RFXAP: variants seen among roughly 807,000 people sequenced by gnomAD.
RFXAP encodes regulatory factor X associated protein.
RFXAP carries 21 observed loss-of-function variants against 25.7 expected under a neutral mutation model. The observed-to-expected ratio is 0.82, with a 90% confidence interval of 0.58 to 1.18. RFXAP has a LOEUF of 1.18. Among genes scored for constraint, RFXAP ranks in the 50% most tolerant of loss-of-function variants. The pLI, the probability that RFXAP is intolerant of heterozygous loss-of-function variation, is 0.00. For synonymous variants in RFXAP, 161 were observed against 152.2 expected (o/e 1.06, Z -0.43); for missense variants, 333 against 363.0 (o/e 0.92, Z 0.67).
rs554713184 is a variant in RFXAP, at chr13:36,822,124, T to C, written c.600+2167T>C. Among the ~76,000 whole-genome samples, 19 of 151,888 alleles carry C rather than the reference T, an allele frequency of 1.3e-4. No individual in the cohort carries two copies. The South Asian group carries it at 3.7e-3, about 30-fold the overall frequency. ...TTTTTTTTGAGACAGAGTCTTACTC[T>C]GTGTCGCTCAGGCTGGAGTGCAGTG... On this transcript the variant is annotated intron_variant, in intron 1 of 2. Transcript: ENST00000255476.
In RFXAP at chr13:36,825,555, T is replaced by A. The variant is rs1363776215; in HGVS notation, c.708+20T>A. On this transcript the variant is annotated intron_variant, in intron 2 of 2. Transcript: ENST00000255476. ...AGACTGGTAAATATCTGTTTGTAAA[T>A]CAGTTATAAATGTGTTAACAAACGT... The A allele has an allele frequency of 1.3e-6, 2 of 1,542,210 alleles. No individual in the cohort carries two copies. The highest frequency in any genetic ancestry group is 1.8e-6 in the Non-Finnish European group (2 of 1,118,732).
At chr13:36,824,995 A>G (rs1254803063) in intron 1 of RFXAP, among the ~76,000 whole-genome samples, 2 of 152,150 alleles carry the variant, frequency 1.3e-5, no homozygotes, top group Non-Finnish European at 2.9e-5. Flanking sequence ...GAGTTCATAT[A>G]TTTCATCCAA....
In RFXAP at chr13:36,828,425, C is replaced by T. The variant is rs2057985329; in HGVS notation, c.*672C>T. On this transcript the variant is annotated 3_prime_UTR_variant, in exon 3 of 3. Transcript: ENST00000255476. ...TTAATATCTGTGAATTTAGGATGTGCATCTCTTTTCAGAGGTGTGTTAGTA... is the reference window on the plus strand; with the variant it reads ...TTAATATCTGTGAATTTAGGATGTGTATCTCTTTTCAGAGGTGTGTTAGTA... 6.6e-6 allele frequency: 1 copy of T among 152,230 alleles called. No homozygotes were observed. The highest frequency in any genetic ancestry group is 6.5e-5 in the Admixed American group (1 of 15,278). The allele number at this position is 152,230 out of a possible 1,614,324, so 9.4% of individuals were successfully genotyped here.
At chr13:36,823,814 C>T (rs1056183458) in intron 1 of RFXAP, among the ~76,000 whole-genome samples, 1 of 151,998 alleles carries the variant, frequency 6.6e-6, no homozygotes, top group African/African-American at 2.4e-5. Context: ...ATGAATTGAC[C>T]TCTGCTGGTG....
rs1472778312 is a variant in RFXAP at position 36,819,558 on chromosome 13, G to A, written c.201G>A (p.Ala67=). Residue 67 remains alanine, a synonymous_variant, in exon 1 of 3, where the codon GCG becomes GCA. Coordinates refer to ENST00000255476, the MANE Select transcript of RFXAP (RefSeq NM_000538.4). ...CGGCCCCCGGGGGCAGCGTTGGGGC[G>A]GGCAAGCCCGTTAGGTACCTGTGCG... The part of the protein sequence containing the change: ...EAAAPGGSVG[A]GKPVRYLCEG... 6.6e-7 allele frequency: 1 copy of A among 1,523,610 alleles called. No homozygotes were observed. Among genetic ancestry groups the A allele is most frequent in the Non-Finnish European group, 8.8e-7 (1 of 1,133,132 alleles). 94.4% of individuals were successfully genotyped at this position (1,523,610 alleles called of 1,614,324 possible).
At chr13:36,823,431 G>C (rs938605209) in intron 1 of RFXAP, among the ~76,000 whole-genome samples, 4 of 152,204 alleles carry the variant, frequency 2.6e-5, no homozygotes, top group African/African-American at 9.6e-5. Context: ...AGTATTGAAT[G>C]CCAGGCTATG....
At chr13:36,823,088 T>C (rs1429475848) in intron 1 of RFXAP, among the ~76,000 whole-genome samples, 6 of 152,172 alleles carry the variant, frequency 3.9e-5, no homozygotes, top group Non-Finnish European at 8.8e-5. Flanking sequence ...CTCACAACCC[T>C]TCAGCAATGG....
At position 36,828,115 on chromosome 13, in the gene RFXAP, G is replaced by A. The variant is rs1224723563; in HGVS notation, c.*362G>A. ...CATCTAGCTCAGTGGTTCTCATCAA[G>A]GGTCAATTTGATTGTCATAGTGACC... On this transcript the variant is annotated 3_prime_UTR_variant, in exon 3 of 3. Transcript: ENST00000255476. The A allele has an allele frequency of 2.6e-5, 6 of 227,824 alleles. No individual in the cohort carries two copies. The highest frequency in any genetic ancestry group is 4.3e-5 in the Non-Finnish European group (5 of 115,644). 14.1% of individuals were successfully genotyped at this position (227,824 alleles called of 1,614,324 possible).
intron 1 of RFXAP, among the ~76,000 whole-genome samples, chr13:36,823,783 A>G (rs1176165859): frequency 6.6e-6 from 1 of 152,204 alleles, no homozygotes; most frequent in African/African-American, 2.4e-5. Context: ...TATGAGAGAC[A>G]CATAAAGGGA....
In RFXAP at chr13:36,824,188, G is replaced by A. The variant is rs536574875; in HGVS notation, c.601-1240G>A. On this transcript the variant is annotated intron_variant, in intron 1 of 2. Coordinates refer to ENST00000255476, the MANE Select transcript of RFXAP (RefSeq NM_000538.4). ...CCTTTTGAATTTCCATAGTGGGGTT[G>A]TGAGGGCAGAGGGTACTGTACCATC... 2.6e-5 allele frequency among the ~76,000 whole-genome samples: 4 copies of A among 152,268 alleles called. No individual in the cohort carries two copies. In the South Asian group the frequency reaches 8.3e-4, roughly 32 times the overall value.
intron 1 of RFXAP, among the ~76,000 whole-genome samples, chr13:36,823,533 A>G (rs1443078007): frequency 6.6e-6 from 1 of 152,172 alleles, no homozygotes; most frequent in Non-Finnish European, 1.5e-5. Context: ...TTGAGAGCCT[A>G]TAGATTTTGA....
At chr13:36,825,753 T>G (rs941799703) in intron 2 of RFXAP, among the ~76,000 whole-genome samples, 1 of 152,128 alleles carries the variant, frequency 6.6e-6, no homozygotes, top group African/African-American at 2.4e-5. Context: ...GAGAAAAGAT[T>G]ATAAACTTGA....
In RFXAP at chr13:36,826,368, A is replaced by G. The variant is rs142058852; in HGVS notation, c.708+833A>G. On this transcript the variant is annotated intron_variant, in intron 2 of 2. Transcript: ENST00000255476. ...ATTAAATGATATGGAAAGGTATTCA[A>G]TATCAGTAAAAATAAACAAAAAGTG... is the stretch of plus-strand genomic sequence containing the variant. Among the ~76,000 whole-genome samples, 17 of 152,370 alleles carry G rather than the reference A, an allele frequency of 1.1e-4. No individual in the cohort carries two copies. In the East Asian group the frequency reaches 2.9e-3, roughly 26 times the overall value.
rs1304451438 is a variant in RFXAP at position 36,826,190 on chromosome 13, C to A, written c.708+655C>A. On this transcript the variant is annotated intron_variant, in intron 2 of 2. Coordinates refer to ENST00000255476, the MANE Select transcript of RFXAP (RefSeq NM_000538.4). ...ATAAATCATTAAACATGATCAGTTT[C>A]CTTACATATATATAAAATATGTTTG... Among the ~76,000 whole-genome samples the A allele has an allele frequency of 5.3e-5, 8 of 152,060 alleles. No individual in the cohort carries two copies. In the East Asian group the frequency reaches 1.5e-3, roughly 29 times the overall value.
At chr13:36,823,592 C>T (rs2057969579) in intron 1 of RFXAP, among the ~76,000 whole-genome samples, 1 of 152,148 alleles carries the variant, frequency 6.6e-6, no homozygotes, top group Non-Finnish European at 1.5e-5. Context: ...ATGATGGTGT[C>T]TTCTGCTATG....
chr13:36,827,411 A>C (rs547876492), intron 2 of RFXAP, among the ~76,000 whole-genome samples: 1 of 152,340 alleles, frequency 6.6e-6, no homozygotes, highest in South Asian at 2.1e-4. Context: ...CAAAGTCACC[A>C]ATAACAGACT....
At chr13:36,823,313 A>G (rs1214807115) in intron 1 of RFXAP, among the ~76,000 whole-genome samples, 4 of 152,266 alleles carry the variant, frequency 2.6e-5, no homozygotes, top group African/African-American at 9.6e-5. Flanking sequence ...GTAGGAATAC[A>G]GAAAACACTT....
At chr13:36,827,219 A>G (rs1030545321) in intron 2 of RFXAP, among the ~76,000 whole-genome samples, 3 of 152,184 alleles carry the variant, frequency 2.0e-5, no homozygotes, top group African/African-American at 7.2e-5. Flanking sequence ...CTTGACTTCT[A>G]GCACTAGTTT....
intron 1 of RFXAP, among the ~76,000 whole-genome samples, chr13:36,823,815 T>G (rs1429092141): frequency 1.3e-5 from 2 of 152,156 alleles, no homozygotes; most frequent in Non-Finnish European, 2.9e-5. Context: ...TGAATTGACC[T>G]CTGCTGGTGG....
Sources: gnomAD v4.1 joint callset for allele counts (sites outside exome capture counted in the v4.1 genomes callset) on GRCh38, gnomAD v4.1.1 for gene constraint, MANE v1.5 for transcripts, NCBI Gene and HGNC (gene_info 2026-07-23, HGNC 2026-07-21) for gene names.